COL28A1: variants seen among roughly 807,000 people sequenced by gnomAD.
COL28A1 encodes collagen type XXVIII alpha 1 chain.
COL28A1 carries 161 observed loss-of-function variants against 150.2 expected under a neutral mutation model. That is an observed-to-expected ratio of 1.07 (90% CI 0.94 to 1.22). COL28A1 has a LOEUF of 1.22. Ranked by LOEUF, COL28A1 falls within the 50% of genes most tolerant of loss-of-function variation. The pLI, the probability that COL28A1 is intolerant of heterozygous loss-of-function variation, is 0.00. For missense variants in COL28A1, 1,617 were observed against 1,388.3 expected (o/e 1.16, Z -2.62); for synonymous variants, 552 against 469.7 (o/e 1.18, Z -2.26).
At chr7:7,429,329 C>T (rs1477299883) in intron 25 of COL28A1, among the ~76,000 whole-genome samples, 2 of 152,076 alleles carry the variant, frequency 1.3e-5, no homozygotes, top group African/African-American at 4.8e-5. Flanking sequence ...CAGAATTTCC[C>T]GTACTTTACC....
chr7:7,374,165 C>T (rs1449793832), intron 31 of COL28A1, among the ~76,000 whole-genome samples: 1 of 151,478 alleles, frequency 6.6e-6, no homozygotes, highest in Non-Finnish European at 1.5e-5. Context: ...CCTGTGGATG[C>T]CGTCCCAATA....
At chr7:7,472,496 A>G (rs564326597) in intron 15 of COL28A1, among the ~76,000 whole-genome samples, 13 of 152,332 alleles carry the variant, frequency 8.5e-5, no homozygotes, top group African/African-American at 2.9e-4. Context: ...AGGGAAAACT[A>G]CAAAACACTG....
chr7:7,364,160 T>C (rs750766481), intron 33 of COL28A1, among the ~76,000 whole-genome samples: 7 of 152,220 alleles, frequency 4.6e-5, no homozygotes, highest in Non-Finnish European at 8.8e-5. Context: ...CTTCTGACTC[T>C]TCTATACTCA....
At chr7:7,385,077 C>CA (rs1782101505) in intron 27 of COL28A1, among the ~76,000 whole-genome samples, 2 of 152,222 alleles carry the variant, frequency 1.3e-5, no homozygotes, top group Admixed American at 1.3e-4. Flanking sequence ...GGACTGCAGG[C>CA]AGCTACCTGC....
At chr7:7,464,075 TATA>T (rs1471616916) in intron 15 of COL28A1, among the ~76,000 whole-genome samples, 1 of 152,232 alleles carries the variant, frequency 6.6e-6, no homozygotes, top group Non-Finnish European at 1.5e-5. Context: ...AAGGTCATTA[TATA>T]ATGATAAAAG....
At position 7,492,456 on chromosome 7, in the gene COL28A1, G is replaced by T. The variant is rs761024582; in HGVS notation, c.1027-1810C>A. On this transcript the variant is annotated intron_variant, in intron 11 of 34. Transcript: ENST00000399429. ...AAAAATTAGCTGGGCCTGGTGGCAT[G>T]TGCCTATAGTCCCAGCTACTCGGGA... Among the ~76,000 whole-genome samples the T allele has an allele frequency of 9.7e-4, 147 of 151,360 alleles. 1 individual carries two copies. Among genetic ancestry groups the T allele is most frequent in the Non-Finnish European group, 1.9e-4 (13 of 67,816 alleles).
At chr7:7,359,586 G>A (rs1397388247) in intron 34 of COL28A1, among the ~76,000 whole-genome samples, 2 of 152,234 alleles carry the variant, frequency 1.3e-5, no homozygotes, top group Non-Finnish European at 2.9e-5. Context: ...CAAGGTGGGA[G>A]AAGCCAAAAA....
intron 30 of COL28A1, among the ~76,000 whole-genome samples, chr7:7,377,525 G>A (rs1356623993): frequency 6.6e-6 from 1 of 152,182 alleles, no homozygotes; most frequent in African/African-American, 2.4e-5. Flanking sequence ...GACAGGGAAG[G>A]GGAGCGTTCA....
rs1583417185 is a variant in COL28A1, at chr7:7,456,073, T to C, written c.1342A>G (p.Ile448Val). The C allele has an allele frequency of 1.9e-6, 3 of 1,613,972 alleles. No individual in the cohort carries two copies. Among genetic ancestry groups the C allele is most frequent in the East Asian group, 4.5e-5 (2 of 44,856 alleles). The stretch of plus-strand genomic sequence containing the variant: ...TCCCCTTGACTCCCGATTCCAGGGA[T>C]ACCCATTGGTCCTTGGGGTCCCACA... ...GPVGPQGPMG[I>V]PGIGSQGEQG... The change falls in exon 16 of 35, where the codon ATC (isoleucine) becomes GTC (valine). Residue 448 changes from isoleucine (I) to valine (V), a missense_variant. Physicochemically the swap from Ile to Val is conservative, Grantham distance 29. Coordinates refer to ENST00000399429, the MANE Select transcript of COL28A1 (RefSeq NM_001037763.3).
rs377316417 is a variant in COL28A1 at position 7,380,630 on chromosome 7, C to A, written c.2322+30G>T. The A allele has an allele frequency of 4.9e-4, 779 of 1,602,986 alleles. 11 individuals carry two copies. The South Asian group carries it at 8.3e-3, about 17-fold the overall frequency. ...TGCAACAATTTTGCAAGCACAAAAC[C>A]CTCAATTACCCTCTAGAATGGATAC... On this transcript the variant is annotated intron_variant, in intron 30 of 34. Transcript: ENST00000399429.
At chr7:7,376,512 T>C (rs564702690) in intron 30 of COL28A1, among the ~76,000 whole-genome samples, 1 of 152,314 alleles carries the variant, frequency 6.6e-6, no homozygotes, top group South Asian at 2.1e-4. Flanking sequence ...TGCTGAGTTA[T>C]ATAATACAAT....
In COL28A1 at chr7:7,490,631, G is replaced by A. The variant is rs761982971; in HGVS notation, c.1042C>T (p.Pro348Ser). 8.9e-6 allele frequency: 12 copies of A among 1,343,584 alleles called. No individual in the cohort carries two copies. Among genetic ancestry groups the A allele is most frequent in the Non-Finnish European group, 1.3e-5 (12 of 934,198 alleles). 83.2% of individuals were successfully genotyped at this position (1,343,584 alleles called of 1,614,324 possible). ...FQGNKGEPGP[P>S]GPYGSPGAPG... ...GCTCCTGGAGAACCATAAGGACCAG[G>A]AGGACCTGGCTCACCCTGGAGGAAG... The change falls in exon 12 of 35, where the codon CCT becomes TCT. Residue 348 changes from proline (P) to serine (S), a missense_variant. Physicochemically the swap from Pro to Ser is moderately conservative, Grantham distance 74. Transcript: ENST00000399429.
chr7:7,388,813 T>C (rs750084172), intron 27 of COL28A1, among the ~76,000 whole-genome samples: 1 of 152,352 alleles, frequency 6.6e-6, no homozygotes, highest in Non-Finnish European at 1.5e-5. Context: ...TTTTGAGAAG[T>C]GTCTGTTCAT....
intron 8 of COL28A1, among the ~76,000 whole-genome samples, chr7:7,512,877 G>T (rs1781223970): frequency 6.6e-6 from 1 of 152,146 alleles, no homozygotes; most frequent in South Asian, 2.1e-4. Context: ...CCTCTGTACT[G>T]CTCTAGGGCA....
At chr7:7,447,004 C>G (rs1475232982) in intron 18 of COL28A1, among the ~76,000 whole-genome samples, 1 of 152,134 alleles carries the variant, frequency 6.6e-6, no homozygotes, top group Non-Finnish European at 1.5e-5. Context: ...TTAGAGAGAA[C>G]TGACATTGAA....
At chr7:7,459,078 G>A (rs1036725620) in intron 15 of COL28A1, among the ~76,000 whole-genome samples, 3 of 152,178 alleles carry the variant, frequency 2.0e-5, no homozygotes, top group Non-Finnish European at 4.4e-5. Context: ...AAAGAAGATG[G>A]TATTGAGGGA....
chr7:7,480,022 C>T (rs1226030566), intron 13 of COL28A1, among the ~76,000 whole-genome samples: 2 of 152,182 alleles, frequency 1.3e-5, no homozygotes, highest in African/African-American at 4.8e-5. Flanking sequence ...GGAACAAAGT[C>T]TGCCAACTTT....
At chr7:7,515,255 T>C (rs181319672) in intron 8 of COL28A1, among the ~76,000 whole-genome samples, 71 of 152,334 alleles carry the variant, frequency 4.7e-4, no homozygotes, top group South Asian at 1.9e-3. Context: ...TAAAGCAGTT[T>C]GGTATCCTAA....
intron 13 of COL28A1, among the ~76,000 whole-genome samples, chr7:7,487,151 A>G (rs797020142): frequency 1.1e-4 from 17 of 148,478 alleles, no homozygotes; most frequent in African/African-American, 4.3e-4. Flanking sequence ...ATATTTCATT[A>G]TTTAAAAAAA....
Sources: gnomAD v4.1 joint callset for allele counts (sites outside exome capture counted in the v4.1 genomes callset) on GRCh38, gnomAD v4.1.1 for gene constraint, MANE v1.5 for transcripts, NCBI Gene and HGNC (gene_info 2026-07-23, HGNC 2026-07-21) for gene names.